Variants in SAMD5 observed in about 807,000 individuals in gnomAD.
SAMD5 encodes the protein sterile alpha motif domain-containing protein 5.
SAMD5 carries 13 observed loss-of-function variants against 11.3 expected under a neutral mutation model. That is an observed-to-expected ratio of 1.15 (90% CI 0.75 to 1.83). The LOEUF (loss-of-function observed/expected upper bound fraction) is 1.83. Ranked by LOEUF, SAMD5 falls within the 40% of genes most tolerant of loss-of-function variation. The pLI is 0.00. For synonymous variants in SAMD5, 129 were observed against 111.3 expected (o/e 1.16, Z -1.00); for missense variants, 255 against 239.1 (o/e 1.07, Z -0.44).
the SAMD5 span, among the ~76,000 whole-genome samples, chr6:147,851,406 C>T: frequency 6.6e-6 from 1 of 152,110 alleles, no homozygotes; most frequent in Non-Finnish European, 1.5e-5. Flanking sequence ...AGAACATACC[C>T]CCCTCAAATA....
At chr6:147,943,702 C>A in the SAMD5 span, among the ~76,000 whole-genome samples, 1 of 152,100 alleles carries the variant, frequency 6.6e-6, no homozygotes, top group Non-Finnish European at 1.5e-5. Context: ...CTCCTGTTCT[C>A]TGCTATATTC....
At chr6:147,609,589 G>A (rs1015559126) in intron 1 of SAMD5, among the ~76,000 whole-genome samples, 5 of 151,998 alleles carry the variant, frequency 3.3e-5, no homozygotes, top group African/African-American at 1.2e-4. Context: ...TCACCCTGTC[G>A]CACAGGCTGG....
intron 1 of SAMD5, among the ~76,000 whole-genome samples, chr6:147,559,211 G>A (rs1266058302): frequency 6.6e-6 from 1 of 152,206 alleles, no homozygotes; most frequent in Non-Finnish European, 1.5e-5. Flanking sequence ...ACAGCCCTGT[G>A]GGGTGTTCTT....
At chr6:147,845,913 A>G in the SAMD5 span, among the ~76,000 whole-genome samples, 2 of 152,208 alleles carry the variant, frequency 1.3e-5, no homozygotes, top group Non-Finnish European at 2.9e-5. Flanking sequence ...TTCACACAAA[A>G]ACAAAGCATG....
chr6:147,894,032 CTTTA>C, the SAMD5 span, among the ~76,000 whole-genome samples: 2 of 151,758 alleles, frequency 1.3e-5, no homozygotes, highest in East Asian at 3.9e-4. Flanking sequence ...CACAGGTGTA[CTTTA>C]TTTAATTCAT....
chr6:147,591,962 G>A (rs985036902), intron 1 of SAMD5, among the ~76,000 whole-genome samples: 2 of 152,070 alleles, frequency 1.3e-5, no homozygotes, highest in Non-Finnish European at 1.5e-5. Flanking sequence ...CTAGCCTGGT[G>A]GGTAAGATAG....
At chr6:147,895,257 A>G in the SAMD5 span, among the ~76,000 whole-genome samples, 1 of 127,134 alleles carries the variant, frequency 7.9e-6, no homozygotes, top group Non-Finnish European at 1.6e-5. Flanking sequence ...GTGCAACAAT[A>G]AAACATGATT....
chr6:147,894,651 C>T, the SAMD5 span, among the ~76,000 whole-genome samples: 1 of 152,146 alleles, frequency 6.6e-6, no homozygotes, highest in South Asian at 2.1e-4. Flanking sequence ...AGAAACAGAC[C>T]CCATTTATCT....
intron 1 of SAMD5, among the ~76,000 whole-genome samples, chr6:147,735,580 A>C (rs141176993): frequency 2.5e-4 from 38 of 152,298 alleles, no homozygotes; most frequent in African/African-American, 8.7e-4. Flanking sequence ...TGATTGATAT[A>C]TCTCTGATTT....
chr6:147,871,469 A>T, the SAMD5 span, among the ~76,000 whole-genome samples: 1 of 152,210 alleles, frequency 6.6e-6, no homozygotes, highest in Admixed American at 6.5e-5. Context: ...AGGACAAGAC[A>T]AATCTCTAAA....
chr6:147,902,742 A>G, the SAMD5 span, among the ~76,000 whole-genome samples: 1 of 152,104 alleles, frequency 6.6e-6, no homozygotes, highest in African/African-American at 2.4e-5. Flanking sequence ...TCATTCTTCA[A>G]AGAGTGGCTT....
chr6:147,734,963 G>T (rs753819102), intron 1 of SAMD5, among the ~76,000 whole-genome samples: 4 of 151,968 alleles, frequency 2.6e-5, no homozygotes, highest in Non-Finnish European at 4.4e-5. Context: ...TGATATATGT[G>T]CCTCATATCT....
chr6:147,728,885 A>G (rs1303528235), intron 1 of SAMD5, among the ~76,000 whole-genome samples: 1 of 152,244 alleles, frequency 6.6e-6, no homozygotes, highest in Non-Finnish European at 1.5e-5. Flanking sequence ...TTCTGTATCT[A>G]TTTAATTTTG....
the SAMD5 span, among the ~76,000 whole-genome samples, chr6:147,774,525 C>T: frequency 6.6e-6 from 1 of 152,046 alleles, no homozygotes; most frequent in Non-Finnish European, 1.5e-5. Context: ...TTATAATACC[C>T]AGTACAATGT....
At chr6:147,883,245 G>T in the SAMD5 span, among the ~76,000 whole-genome samples, 2 of 152,156 alleles carry the variant, frequency 1.3e-5, no homozygotes, top group African/African-American at 4.8e-5. Context: ...GGGGCATTTT[G>T]TTCTAATGTA....
intron 1 of SAMD5, among the ~76,000 whole-genome samples, chr6:147,666,768 C>G (rs1790728067): frequency 6.6e-6 from 1 of 151,996 alleles, no homozygotes; most frequent in Non-Finnish European, 1.5e-5. Flanking sequence ...GAAGTAAATC[C>G]CAAGCCGGAA....
At chr6:147,831,871 T>C in the SAMD5 span, among the ~76,000 whole-genome samples, 1 of 152,232 alleles carries the variant, frequency 6.6e-6, no homozygotes, top group Admixed American at 6.5e-5. Context: ...AAGACTCTTT[T>C]GATTTGGTAG....
At chr6:147,592,925 C>T (rs531540224) in intron 1 of SAMD5, among the ~76,000 whole-genome samples, 4 of 152,214 alleles carry the variant, frequency 2.6e-5, no homozygotes, top group Non-Finnish European at 2.9e-5. Context: ...AGCCAGAGAA[C>T]GCTCCTAGAC....
chr6:147,838,583 G>T, the SAMD5 span, among the ~76,000 whole-genome samples: 7 of 137,492 alleles, frequency 5.1e-5, no homozygotes, highest in Admixed American at 3.2e-4. Context: ...ATAACTGTTA[G>T]CCCTCAACTT....
Sources: allele counts gnomAD v4.1 joint callset (sites outside exome capture counted in the v4.1 genomes callset), GRCh38; gene constraint gnomAD v4.1.1; transcripts MANE v1.5; gene names NCBI Gene and HGNC (gene_info 2026-07-23, HGNC 2026-07-21).